Variants in PGR observed in about 807,000 individuals in gnomAD.
The protein encoded by PGR is progesterone receptor.
In PGR, 25 loss-of-function variants were observed where a neutral mutation model predicts 76.1. The ratio of observed to expected loss-of-function variants is 0.33; its 90% CI spans 0.24 to 0.46. The LOEUF (loss-of-function observed/expected upper bound fraction) is 0.46, where lower values mean the gene tolerates loss of function less well. PGR is among the 20% of genes least tolerant of loss of function. The pLI is 1.00. For synonymous variants in PGR, 579 were observed against 535.0 expected (o/e 1.08, Z -1.14); for missense variants, 1,172 against 1,225.3 (o/e 0.96, Z 0.65).
chr11:101,052,646 A>G (rs1294316045), intron 4 of PGR, among the ~76,000 whole-genome samples: 1 of 152,116 alleles, frequency 6.6e-6, no homozygotes, highest in Non-Finnish European at 1.5e-5. Flanking sequence ...ATTCAAGGGA[A>G]TAAGTCTGGA....
At position 101,034,296 on chromosome 11, in the gene PGR, C is replaced by T. The variant is rs1317594798; in HGVS notation, c.*4820G>A. ...ACTAGGCCAGCAGTCCTGCAACAGT[C>T]TTCCAGACTCCACAGCTGCATAAGG... On this transcript the variant is annotated 3_prime_UTR_variant, in exon 8 of 8. Coordinates refer to ENST00000325455, the MANE Select transcript of PGR (RefSeq NM_000926.4). The T allele has an allele frequency of 9.1e-6, 2 of 219,500 alleles. No homozygotes were observed. Among genetic ancestry groups the T allele is most frequent in the Non-Finnish European group, 1.8e-5 (2 of 109,232 alleles). The allele number at this position is 219,500 out of a possible 1,614,324, so 13.6% of individuals were successfully genotyped here.
At chr11:101,118,456 A>G (rs1477735725) in intron 2 of PGR, among the ~76,000 whole-genome samples, 2 of 152,244 alleles carry the variant, frequency 1.3e-5, no homozygotes, top group South Asian at 2.1e-4. Context: ...ATAGAAGAGT[A>G]AATAGCATGA....
intron 4 of PGR, among the ~76,000 whole-genome samples, chr11:101,052,067 C>A (rs138474361): frequency 2.0e-5 from 3 of 152,034 alleles, no homozygotes; most frequent in Non-Finnish European, 4.4e-5. Flanking sequence ...ATAATCAGTT[C>A]GTTAAATCTC....
intron 7 of PGR, among the ~76,000 whole-genome samples, chr11:101,039,766 A>G (rs934356447): frequency 6.6e-6 from 1 of 152,044 alleles, no homozygotes; most frequent in Non-Finnish European, 1.5e-5. Context: ...CATGATTATA[A>G]AAACAAAAAC....
At chr11:101,105,867 T>C (rs1232983037) in intron 2 of PGR, among the ~76,000 whole-genome samples, 1 of 152,156 alleles carries the variant, frequency 6.6e-6, no homozygotes, top group Non-Finnish European at 1.5e-5. Context: ...ATGGCACTGG[T>C]ACCAAAACGG....
chr11:101,074,015 AAAC>A (rs925684502), intron 3 of PGR, among the ~76,000 whole-genome samples: 20 of 152,230 alleles, frequency 1.3e-4, no homozygotes, highest in African/African-American at 4.8e-4. Context: ...CCCGGCAGAG[AAAC>A]AACAAAAAAG....
chr11:101,040,629 TC>T (rs1859665297), intron 7 of PGR, among the ~76,000 whole-genome samples: 1 of 152,054 alleles, frequency 6.6e-6, no homozygotes, highest in Non-Finnish European at 1.5e-5. Context: ...TCATTCTGAA[TC>T]CTGATAACGT....
chr11:101,094,087 C>T (rs1861762214), intron 2 of PGR, among the ~76,000 whole-genome samples: 1 of 152,084 alleles, frequency 6.6e-6, no homozygotes, highest in Non-Finnish European at 1.5e-5. Context: ...CTCTCCAGTC[C>T]AGTGATGTCC....
chr11:101,122,453 T>C (rs1041586181), intron 2 of PGR, among the ~76,000 whole-genome samples: 1 of 152,308 alleles, frequency 6.6e-6, no homozygotes, highest in African/African-American at 2.4e-5. Flanking sequence ...TGAGAAATAG[T>C]CCTTTCCTTC....
Position 101,034,238 on chromosome 11 carries a change from C to T in PGR, c.*4878G>A. 4.6e-6 allele frequency: 1 copy of T among 217,446 alleles called. No individual in the cohort carries two copies. Among genetic ancestry groups the T allele is most frequent in the Non-Finnish European group, 9.3e-6 (1 of 108,092 alleles). 13.5% of individuals were successfully genotyped at this position (217,446 alleles called of 1,614,324 possible). On this transcript the variant is annotated 3_prime_UTR_variant, in exon 8 of 8. Coordinates refer to ENST00000325455, the MANE Select transcript of PGR (RefSeq NM_000926.4). ...TCAGCATGACATACAGCAACAAGAG[C>T]CAGTAAATCGAAAATGAGGCTGACA...
At position 101,097,733 on chromosome 11, in the gene PGR, C is replaced by T. The variant is rs564270789; in HGVS notation, c.1790-5857G>A. On this transcript the variant is annotated intron_variant, in intron 2 of 7. Coordinates refer to ENST00000325455, the MANE Select transcript of PGR (RefSeq NM_000926.4). ...TTCTCACCTTTTTATAGTAATAGAC[C>T]ATAATTAAATGTGAAGTCTAACAAG... is the stretch of plus-strand genomic sequence containing the variant. Among the ~76,000 whole-genome samples, 268 of 151,222 alleles carry T rather than the reference C, an allele frequency of 1.8e-3. 1 individual carries two copies. Among genetic ancestry groups the T allele is most frequent in the African/African-American group, 6.2e-3 (254 of 41,202 alleles).
At chr11:101,052,741 AT>A (rs1427508925) in intron 4 of PGR, among the ~76,000 whole-genome samples, 1 of 152,164 alleles carries the variant, frequency 6.6e-6, no homozygotes, top group Non-Finnish European at 1.5e-5. Flanking sequence ...ACACATTGGA[AT>A]TAAGAGGAGA....
intron 2 of PGR, among the ~76,000 whole-genome samples, chr11:101,123,583 TG>T (rs1565370245): frequency 6.6e-6 from 1 of 152,228 alleles, no homozygotes; most frequent in Non-Finnish European, 1.5e-5. Context: ...GCTTAGTCAG[TG>T]TAATCTTAAT....
Position 101,122,023 on chromosome 11 carries a change from G to A in PGR, c.1789+3984C>T, listed in dbSNP as rs768300017. Among the ~76,000 whole-genome samples the A allele has an allele frequency of 7.3e-4, 110 of 151,716 alleles. 1 individual carries two copies. Among genetic ancestry groups the A allele is most frequent in the Non-Finnish European group, 8.8e-4 (60 of 67,896 alleles). On this transcript the variant is annotated intron_variant, in intron 2 of 7. Transcript: ENST00000325455. ...ACAAAAAATTAGCCAGGCGTGGTGG[G>A]GGGCACCCGTAGTCCCAGCTACTCG...
chr11:101,113,171 AAC>A (rs1862395515), intron 2 of PGR, among the ~76,000 whole-genome samples: 2 of 152,232 alleles, frequency 1.3e-5, no homozygotes, highest in South Asian at 4.1e-4. Context: ...TCTACAAAAC[AAC>A]AGTGTCTTTC....
intron 3 of PGR, among the ~76,000 whole-genome samples, chr11:101,068,705 G>T (rs1860811475): frequency 1.3e-5 from 2 of 151,676 alleles, no homozygotes; most frequent in South Asian, 4.2e-4. Context: ...GGCCTCAGAA[G>T]TAACGTCACA....
chr11:101,108,020 G>A (rs772096540), intron 2 of PGR, among the ~76,000 whole-genome samples: 6 of 151,620 alleles, frequency 4.0e-5, no homozygotes, highest in Non-Finnish European at 1.5e-5. Context: ...TTGGGAGGCT[G>A]AGGCAGGCAG....
intron 3 of PGR, among the ~76,000 whole-genome samples, chr11:101,079,639 G>A (rs1861235982): frequency 6.6e-6 from 1 of 152,192 alleles, no homozygotes; most frequent in Non-Finnish European, 1.5e-5. Context: ...TGGAGAAAGA[G>A]AAATTCTCGT....
chr11:101,102,849 G>A (rs934452976), intron 2 of PGR, among the ~76,000 whole-genome samples: 1 of 149,644 alleles, frequency 6.7e-6, no homozygotes, highest in Non-Finnish European at 1.5e-5. Flanking sequence ...CCACGGACTG[G>A]GGGCAGTGAG....
Sources: gnomAD v4.1 joint callset for allele counts (sites outside exome capture counted in the v4.1 genomes callset) on GRCh38, gnomAD v4.1.1 for gene constraint, MANE v1.5 for transcripts, NCBI Gene and HGNC (gene_info 2026-07-23, HGNC 2026-07-21) for gene names.